The following FAM83B variants were observed in gnomAD, a reference collection of about 807,000 sequenced individuals.
The protein encoded by FAM83B is scaffolding CK1 anchoring protein B.
Under a neutral mutation model 38.8 loss-of-function variants are expected in FAM83B, and 26 were observed. The ratio of observed to expected loss-of-function variants is 0.67; its 90% CI spans 0.49 to 0.93. The LOEUF (loss-of-function observed/expected upper bound fraction) is 0.93. FAM83B is among the 40% of genes least tolerant of loss of function. FAM83B has a pLI of 0.00. For synonymous variants in FAM83B, 419 were observed against 423.1 expected (o/e 0.99, Z 0.12); for missense variants, 1,237 against 1,197.3 (o/e 1.03, Z -0.49).
chr6:54,940,363 G>C lies in FAM83B; in HGVS notation c.1392G>C (p.Arg464=). The change falls in exon 5 of 5, where the codon CGG becomes CGC. Residue 464 remains arginine, a synonymous_variant. Coordinates refer to ENST00000306858, the MANE Select transcript of FAM83B (RefSeq NM_001010872.3). ...TTGCAGACAGGAATTCAAATGTTCG[G>C]AGGTCTTTTAATGGGACAGATAACC... ...TNLADRNSNV[R]RSFNGTDNHI... 1.2e-6 allele frequency: 2 copies of C among 1,614,082 alleles called. No individual in the cohort carries two copies. Among genetic ancestry groups the C allele is most frequent in the Non-Finnish European group, 1.7e-6 (2 of 1,179,994 alleles).
chr6:54,864,462 T>C (rs1408405985), intron 1 of FAM83B, among the ~76,000 whole-genome samples: 1 of 152,200 alleles, frequency 6.6e-6, no homozygotes, highest in Non-Finnish European at 1.5e-5. Flanking sequence ...GAGTGCGTCA[T>C]GTATTTATAC....
intron 2 of FAM83B, among the ~76,000 whole-genome samples, chr6:54,918,738 A>G (rs1408321749): frequency 6.6e-6 from 1 of 152,152 alleles, no homozygotes; most frequent in Non-Finnish European, 1.5e-5. Context: ...CAGTCAAACC[A>G]TATCAACATC....
intron 2 of FAM83B, among the ~76,000 whole-genome samples, chr6:54,922,182 C>A (rs1402183081): frequency 6.6e-6 from 1 of 151,964 alleles, no homozygotes; most frequent in Non-Finnish European, 1.5e-5. Flanking sequence ...CAAACAAAAT[C>A]CTTTATGTAT....
chr6:54,881,561 T>TA (rs1195824822), intron 2 of FAM83B, among the ~76,000 whole-genome samples: 9 of 151,396 alleles, frequency 5.9e-5, no homozygotes, highest in Non-Finnish European at 8.8e-5. Flanking sequence ...TCTATAATCA[T>TA]AAAAAAAACT....
At chr6:54,903,715 C>T (rs1267350311) in intron 2 of FAM83B, among the ~76,000 whole-genome samples, 1 of 151,758 alleles carries the variant, frequency 6.6e-6, no homozygotes, top group African/African-American at 2.4e-5. Flanking sequence ...TTTTTTAACT[C>T]ATTCTTTATT....
chr6:54,861,788 C>A (rs1771591225), intron 1 of FAM83B, among the ~76,000 whole-genome samples: 1 of 152,126 alleles, frequency 6.6e-6, no homozygotes, highest in South Asian at 2.1e-4. Context: ...GAGTTTATTT[C>A]TGCAACCGGT....
At chr6:54,926,732 T>C (rs1773295284) in intron 3 of FAM83B, among the ~76,000 whole-genome samples, 197 bp downstream of exon 3, 2 of 151,162 alleles carry the variant, frequency 1.3e-5, no homozygotes, top group African/African-American at 4.9e-5. Flanking sequence ...TTCATGGGAG[T>C]GTTTGTTTGT....
At chr6:54,895,771 C>T (rs145036480) in intron 2 of FAM83B, among the ~76,000 whole-genome samples, 1 of 152,088 alleles carries the variant, frequency 6.6e-6, no homozygotes, top group African/African-American at 2.4e-5. Context: ...GATGGCGTCT[C>T]GCTCTGTTAC....
chr6:54,927,126 A>G (rs181335089), intron 3 of FAM83B, among the ~76,000 whole-genome samples: 2 of 152,218 alleles, frequency 1.3e-5, no homozygotes, highest in East Asian at 1.9e-4. Context: ...TGGTGCTTCT[A>G]TGGTTCAGCA....
intron 1 of FAM83B, among the ~76,000 whole-genome samples, chr6:54,862,324 A>G (rs1053307017): frequency 6.6e-6 from 1 of 152,176 alleles, no homozygotes; most frequent in African/African-American, 2.4e-5. Flanking sequence ...GAGGGGAACA[A>G]AAGGAGAAGG....
rs1308268222 is a variant in FAM83B at position 54,941,179 on chromosome 6, A to T, written c.2208A>T (p.Lys736Asn). 6.2e-7 allele frequency: 1 copy of T among 1,614,112 alleles called. No individual in the cohort carries two copies. Among genetic ancestry groups the T allele is most frequent in the Admixed American group, 1.7e-5 (1 of 59,998 alleles). Residue 736 changes from lysine (K) to asparagine (N), a missense_variant, in exon 5 of 5, where the codon AAA (lysine) becomes AAT (asparagine). Lys to Asn is a moderately conservative substitution (Grantham distance 94). Coordinates refer to ENST00000306858, the MANE Select transcript of FAM83B (RefSeq NM_001010872.3). ...ACTCTCCAAGTGGCACTACTACCAA[A>T]TCAGTTTCCATTGCTGCTTTACTTG... ...KRNSPSGTTTKSVSIAALLDV... is the reference protein window; with the variant it reads ...KRNSPSGTTTNSVSIAALLDV...
intron 3 of FAM83B, among the ~76,000 whole-genome samples, chr6:54,927,209 T>C (rs1243239270): frequency 6.6e-6 from 1 of 152,150 alleles, no homozygotes; most frequent in Non-Finnish European, 1.5e-5. Context: ...AGGTTAATTT[T>C]AATTTTAGTT....
chr6:54,924,224 C>A (rs1270806956), intron 2 of FAM83B, among the ~76,000 whole-genome samples: 3 of 150,858 alleles, frequency 2.0e-5, no homozygotes, highest in Admixed American at 1.3e-4. Context: ...CACGCACACA[C>A]CACATTTTCT....
intron 2 of FAM83B, among the ~76,000 whole-genome samples, chr6:54,881,645 G>T (rs1446795683): frequency 1.3e-5 from 2 of 152,118 alleles, no homozygotes; most frequent in Non-Finnish European, 2.9e-5. Context: ...TCTGAGGTTT[G>T]TGATCATGTA....
intron 2 of FAM83B, among the ~76,000 whole-genome samples, chr6:54,917,477 C>T (rs1396867521): frequency 6.6e-6 from 1 of 152,036 alleles, no homozygotes; most frequent in Non-Finnish European, 1.5e-5. Context: ...ATAATTTAAT[C>T]ATTTCTCACT....
intron 2 of FAM83B, among the ~76,000 whole-genome samples, chr6:54,879,737 C>G (rs558220891): frequency 6.6e-6 from 1 of 152,184 alleles, no homozygotes; most frequent in African/African-American, 2.4e-5. Context: ...TTTTTAGTGA[C>G]AGTGATGTTG....
At position 54,940,940 on chromosome 6, in the gene FAM83B, G is replaced by T; in HGVS notation, c.1969G>T (p.Glu657Ter). 7 of 1,613,476 alleles carry T rather than the reference G, an allele frequency of 4.3e-6. No individual in the cohort carries two copies. The highest frequency in any genetic ancestry group is 5.9e-6 in the Non-Finnish European group (7 of 1,179,880). The change falls in exon 5 of 5, where the codon GAG becomes TAG. Residue 657 changes from glutamate (E) to a stop codon, truncating the protein, a stop_gained. Coordinates refer to ENST00000306858, the MANE Select transcript of FAM83B (RefSeq NM_001010872.3). LOFTEE classifies it high-confidence loss of function. The stretch of plus-strand genomic sequence containing the variant: ...AGAAAATCTAAAGAATCAACAGACT[G>T]AGAATCTACTTAAAAGGCGAAGTTT... ...QTENLKNQQTENLLKRRSFPL... is the reference protein window; with the variant it reads ...QTENLKNQQT
At chr6:54,864,816 A>G (rs534608777) in intron 1 of FAM83B, among the ~76,000 whole-genome samples, 14 of 152,322 alleles carry the variant, frequency 9.2e-5, no homozygotes, top group Admixed American at 9.2e-4. Context: ...ATCCTTTATG[A>G]AACATTTTCT....
chr6:54,940,000 T>C lies in FAM83B; in HGVS notation c.1029T>C (p.Tyr343=), dbSNP rs9370340. 0.024 allele frequency: 38,171 copies of C among 1,614,024 alleles called. 585 individuals carry two copies. Among genetic ancestry groups the C allele is most frequent in the East Asian group, 0.057 (2,557 of 44,874 alleles). Reference sequence around the variant, plus strand: ...GTTACTTCAAAAACAGAGGGATATATACTTTAAATGAACATGACAAATATA... The same window carrying C: ...GTTACTTCAAAAACAGAGGGATATACACTTTAAATGAACATGACAAATATA... ...DSSYFKNRGI[Y]TLNEHDKYNI... Residue 343 remains tyrosine (Y), a synonymous_variant, in exon 5 of 5, where the codon TAT becomes TAC. Coordinates refer to ENST00000306858, the MANE Select transcript of FAM83B (RefSeq NM_001010872.3).
Sources: gnomAD v4.1 joint callset for allele counts (sites outside exome capture counted in the v4.1 genomes callset) on GRCh38, gnomAD v4.1.1 for gene constraint, MANE v1.5 for transcripts, NCBI Gene and HGNC (gene_info 2026-07-23, HGNC 2026-07-21) for gene names.